The following LRP1B variants were observed in gnomAD, a reference collection of about 807,000 sequenced individuals.
The protein encoded by LRP1B is low-density lipoprotein receptor-related protein 1B.
In LRP1B, 217 loss-of-function variants were observed where a neutral mutation model predicts 556.6. That is an observed-to-expected ratio of 0.39 (90% CI 0.35 to 0.44). LRP1B has a LOEUF of 0.44. Ranked by LOEUF, LRP1B falls within the 20% of genes least tolerant of loss-of-function variation. The pLI is 1.00. For missense variants in LRP1B, 5,053 were observed against 5,620.8 expected (o/e 0.90, Z 3.23); for synonymous variants, 2,047 against 1,865.8 (o/e 1.10, Z -2.50).
Position 140,753,413 on chromosome 2 carries a change from A to G in LRP1B, c.5758+15800T>C, listed in dbSNP as rs188843438. ...TTAGTTACTTGATCTCACATTTCCTATACAAATGATATGAAAACACTATTT... is the reference window on the plus strand; with the variant it reads ...TTAGTTACTTGATCTCACATTTCCTGTACAAATGATATGAAAACACTATTT... On this transcript the variant is annotated intron_variant, in intron 35 of 90. Coordinates refer to ENST00000389484, the MANE Select transcript of LRP1B (RefSeq NM_018557.3). Among the ~76,000 whole-genome samples the G allele has an allele frequency of 1.5e-3, 230 of 152,256 alleles. 1 individual carries two copies. Among genetic ancestry groups the G allele is most frequent in the African/African-American group, 5.2e-3 (217 of 41,550 alleles).
rs1411085093 is a variant in LRP1B, at chr2:142,099,293, CAA to C, written c.82+31353_82+31354del. On this transcript the variant is annotated intron_variant, in intron 1 of 90. Coordinates refer to ENST00000389484, the MANE Select transcript of LRP1B (RefSeq NM_018557.3). ...CCACTGTCCCAGTGGGCTTTACCTT[CAA>C]AGAGTTTATAATCTAATTGCAACAG... Among the ~76,000 whole-genome samples the C allele has an allele frequency of 2.6e-5, 4 of 151,784 alleles. No homozygotes were observed. The Admixed American group carries it at 2.6e-4, about 10-fold the overall frequency.
intron 7 of LRP1B, among the ~76,000 whole-genome samples, chr2:141,148,839 T>C (rs1012403451): frequency 6.6e-5 from 10 of 152,094 alleles, no homozygotes; most frequent in Non-Finnish European, 1.0e-4. Flanking sequence ...ATCCCAACAC[T>C]GTGGGAGGCC....
intron 1 of LRP1B, among the ~76,000 whole-genome samples, chr2:142,125,992 T>C (rs1707635841): frequency 6.6e-6 from 1 of 151,912 alleles, no homozygotes; most frequent in Non-Finnish European, 1.5e-5. Flanking sequence ...AGATATTTTC[T>C]CATAGGAGTT....
At chr2:140,334,785 G>T (rs1680985217) in intron 78 of LRP1B, among the ~76,000 whole-genome samples, 2 of 152,098 alleles carry the variant, frequency 1.3e-5, no homozygotes, top group South Asian at 4.1e-4. Flanking sequence ...GAGAATCATT[G>T]TATACTATGA....
intron 86 of LRP1B, among the ~76,000 whole-genome samples, chr2:140,253,416 A>G (rs1248196440): frequency 3.3e-5 from 5 of 152,090 alleles, no homozygotes; most frequent in Non-Finnish European, 7.4e-5. Flanking sequence ...AAAATTAATA[A>G]AATGGATTAT....
chr2:141,681,348 A>G (rs910967203), intron 2 of LRP1B, among the ~76,000 whole-genome samples: 1 of 151,664 alleles, frequency 6.6e-6, no homozygotes, highest in Non-Finnish European at 1.5e-5. Context: ...TGGTAAATAA[A>G]AAAAAAATTC....
chr2:140,975,354 A>G (rs747955552), intron 18 of LRP1B, among the ~76,000 whole-genome samples: 1 of 152,212 alleles, frequency 6.6e-6, no homozygotes, highest in African/African-American at 2.4e-5. Flanking sequence ...AAGCCTCTCA[A>G]TAGAGTTGCA....
At chr2:140,633,426 G>A (rs1175788875) in intron 41 of LRP1B, among the ~76,000 whole-genome samples, 2 of 151,934 alleles carry the variant, frequency 1.3e-5, no homozygotes, top group African/African-American at 2.4e-5. Context: ...AATCAGAGAA[G>A]GAAGAGCAAT....
chr2:141,666,371 TG>T (rs1281310891), intron 2 of LRP1B, among the ~76,000 whole-genome samples: 1 of 152,164 alleles, frequency 6.6e-6, no homozygotes, highest in Non-Finnish European at 1.5e-5. Context: ...TCCCATTTTT[TG>T]CCTGGCTGTT....
At chr2:140,607,299 C>G (rs1195194690) in intron 41 of LRP1B, among the ~76,000 whole-genome samples, 1 of 151,958 alleles carries the variant, frequency 6.6e-6, no homozygotes, top group East Asian at 1.9e-4. Context: ...AGATTTGAAC[C>G]AATATATATT....
intron 1 of LRP1B, among the ~76,000 whole-genome samples, chr2:141,908,480 C>T (rs565676173): frequency 6.6e-6 from 1 of 151,948 alleles, no homozygotes; most frequent in East Asian, 1.9e-4. Context: ...CAGAGAAAAA[C>T]CATATGATAA....
At chr2:140,574,740 A>G (rs1681454658) in intron 43 of LRP1B, among the ~76,000 whole-genome samples, 1 of 152,226 alleles carries the variant, frequency 6.6e-6, no homozygotes, top group South Asian at 2.1e-4. Flanking sequence ...GTCATGTCAG[A>G]TAATAAAACC....
chr2:141,580,461 T>C (rs573331935), intron 2 of LRP1B, among the ~76,000 whole-genome samples: 1 of 152,326 alleles, frequency 6.6e-6, no homozygotes, highest in Non-Finnish European at 1.5e-5. Context: ...TACCACAGTT[T>C]AGGGAATTCT....
chr2:141,800,769 A>G (rs1695982244), intron 2 of LRP1B, among the ~76,000 whole-genome samples: 1 of 152,226 alleles, frequency 6.6e-6, no homozygotes, highest in Non-Finnish European at 1.5e-5. Context: ...AAACTAGCAT[A>G]GGTTAAAGCT....
At chr2:140,869,676 A>C (rs545536058) in intron 25 of LRP1B, among the ~76,000 whole-genome samples, 12 of 152,208 alleles carry the variant, frequency 7.9e-5, no homozygotes, top group Middle Eastern at 3.4e-3. Flanking sequence ...AATTGTCAGG[A>C]CTAGCTGATG....
chr2:141,702,807 C>T (rs966817264), intron 2 of LRP1B, among the ~76,000 whole-genome samples: 2 of 151,816 alleles, frequency 1.3e-5, no homozygotes, highest in Non-Finnish European at 2.9e-5. Flanking sequence ...GGACTATAAA[C>T]GGAGTGATGT....
At chr2:140,550,098 C>A (rs1407778920) in intron 43 of LRP1B, among the ~76,000 whole-genome samples, 1 of 151,742 alleles carries the variant, frequency 6.6e-6, no homozygotes, top group Non-Finnish European at 1.5e-5. Flanking sequence ...TGAGTAAGAA[C>A]GTGAGTCGTT....
chr2:141,025,639 T>C (rs1319072491), intron 11 of LRP1B, among the ~76,000 whole-genome samples: 1 of 152,088 alleles, frequency 6.6e-6, no homozygotes, highest in Admixed American at 6.6e-5. Context: ...ACATCAGCTC[T>C]TTTTGGGTCT....
chr2:140,596,317 C>T (rs765791992), intron 43 of LRP1B, among the ~76,000 whole-genome samples: 4 of 152,140 alleles, frequency 2.6e-5, no homozygotes, highest in Non-Finnish European at 4.4e-5. Flanking sequence ...AAAAAGATTA[C>T]GCAGAAGCTC....
Sources: gnomAD v4.1 joint callset for allele counts (sites outside exome capture counted in the v4.1 genomes callset) on GRCh38, gnomAD v4.1.1 for gene constraint, MANE v1.5 for transcripts, NCBI Gene and HGNC (gene_info 2026-07-23, HGNC 2026-07-21) for gene names.